The following LRRC69 variants were observed in gnomAD, a reference collection of about 807,000 sequenced individuals.
LRRC69 encodes leucine-rich repeat-containing protein 69.
LRRC69 carries 42 observed loss-of-function variants against 37.8 expected under a neutral mutation model. That is an observed-to-expected ratio of 1.11 (90% CI 0.87 to 1.44). The LOEUF is 1.44. LRRC69 is among the 40% of genes most tolerant of loss of function. LRRC69 has a pLI of 0.00. For missense variants in LRRC69, 357 were observed against 401.9 expected (o/e 0.89, Z 0.96); for synonymous variants, 141 against 143.1 (o/e 0.99, Z 0.11).
chr8:91,123,104 G>C (rs1011080261), intron 1 of LRRC69, among the ~76,000 whole-genome samples: 3 of 152,084 alleles, frequency 2.0e-5, no homozygotes, highest in South Asian at 4.1e-4. Flanking sequence ...GGCTGACTCT[G>C]AAAGTTAGGA....
chr8:91,183,985 TA>T (rs967870300), intron 5 of LRRC69, among the ~76,000 whole-genome samples: 3 of 151,464 alleles, frequency 2.0e-5, no homozygotes, highest in African/African-American at 4.9e-5. Flanking sequence ...AAGGGTTTCT[TA>T]AAAAAAAATT....
chr8:91,206,094 A>G (rs1809799666), intron 7 of LRRC69, among the ~76,000 whole-genome samples: 1 of 152,248 alleles, frequency 6.6e-6, no homozygotes. Context: ...ACCTTTATAG[A>G]GAGAGAGCTT....
Position 91,135,660 on chromosome 8 carries a change from T to C in LRRC69, c.580-8T>C, listed in dbSNP as rs1159294692. 1.4e-6 allele frequency: 2 copies of C among 1,439,960 alleles called. No individual in the cohort carries two copies. The highest frequency in any genetic ancestry group is 3.0e-5 in the African/African-American group (2 of 67,078). 89.2% of individuals were successfully genotyped at this position (1,439,960 alleles called of 1,614,324 possible). ...TAAAAAATCTCTCTCTTCTGTTTTC[T>C]GACACAGGAACTTTGTGATCTTAAA... On this transcript the variant is annotated splice_polypyrimidine_tract_variant and splice_region_variant and intron_variant, in intron 4 of 7. Transcript: ENST00000448384.
At chr8:91,204,730 C>A (rs558698305) in intron 7 of LRRC69, among the ~76,000 whole-genome samples, 144 of 152,312 alleles carry the variant, frequency 9.5e-4, no homozygotes, top group African/African-American at 3.0e-3. Flanking sequence ...TTAGTTGTTT[C>A]ATAAGCTTAC....
chr8:91,127,689 G>A (rs1361475854), intron 3 of LRRC69, among the ~76,000 whole-genome samples: 1 of 149,262 alleles, frequency 6.7e-6, no homozygotes, highest in East Asian at 2.0e-4. Flanking sequence ...GGAGCCAGCT[G>A]AGAGCCTTGT....
intron 5 of LRRC69, among the ~76,000 whole-genome samples, chr8:91,166,560 CTT>C (rs1809034626): frequency 7.3e-6 from 1 of 136,740 alleles, no homozygotes; most frequent in Admixed American, 7.5e-5. Flanking sequence ...TTTTGAAAAA[CTT>C]TATGGCAGGA....
At chr8:91,151,042 G>A (rs1371306108) in intron 5 of LRRC69, among the ~76,000 whole-genome samples, 1 of 151,728 alleles carries the variant, frequency 6.6e-6, no homozygotes, top group Non-Finnish European at 1.5e-5. Context: ...ACCAGCTCCT[G>A]GATTCATTGA....
intron 5 of LRRC69, among the ~76,000 whole-genome samples, chr8:91,146,772 G>A (rs1156311063): frequency 6.6e-6 from 1 of 151,764 alleles, no homozygotes; most frequent in Non-Finnish European, 1.5e-5. Flanking sequence ...TAATAATAAA[G>A]TTGTTTTAAG....
Position 91,192,987 on chromosome 8 carries a change from C to T in LRRC69, c.753+3364C>T, listed in dbSNP as rs528849248. On this transcript the variant is annotated intron_variant, in intron 6 of 7. Transcript: ENST00000448384. ...GGGTTTTTTACGGTTTTAGATCTAACGTTTAAGTCTTTAATCCATCTTGAA... is the reference window on the plus strand; with the variant it reads ...GGGTTTTTTACGGTTTTAGATCTAATGTTTAAGTCTTTAATCCATCTTGAA... Among the ~76,000 whole-genome samples the T allele has an allele frequency of 1.2e-4, 19 of 152,150 alleles. 3 individuals carry two copies. Among genetic ancestry groups the T allele is most frequent in the African/African-American group, 2.9e-4 (12 of 41,486 alleles).
At chr8:91,107,429 G>A (rs943942569) in intron 1 of LRRC69, among the ~76,000 whole-genome samples, 4 of 151,806 alleles carry the variant, frequency 2.6e-5, no homozygotes, top group South Asian at 2.1e-4. Flanking sequence ...GAGCCACCAC[G>A]CCCGGCCCAT....
chr8:91,147,661 A>T (rs1182302284), intron 5 of LRRC69, among the ~76,000 whole-genome samples: 1 of 151,808 alleles, frequency 6.6e-6, no homozygotes, highest in African/African-American at 2.4e-5. Context: ...GACACATTTT[A>T]AAAAATCTTA....
chr8:91,159,118 A>G (rs1472580403), intron 5 of LRRC69, among the ~76,000 whole-genome samples: 1 of 151,264 alleles, frequency 6.6e-6, no homozygotes, highest in Non-Finnish European at 1.5e-5. Context: ...AATGTTTTCA[A>G]TCATTGCCTT....
chr8:91,144,402 C>T (rs1167494144), intron 5 of LRRC69, among the ~76,000 whole-genome samples: 1 of 151,962 alleles, frequency 6.6e-6, no homozygotes, highest in Non-Finnish European at 1.5e-5. Context: ...CCTTGGGCAA[C>T]AAAACAGAAC....
At chr8:91,156,179 T>C (rs1808831615) in intron 5 of LRRC69, among the ~76,000 whole-genome samples, 1 of 151,016 alleles carries the variant, frequency 6.6e-6, no homozygotes. Context: ...GTGTATGAGT[T>C]TTCTTTGTGT....
At chr8:91,185,785 G>A (rs558314171) in intron 5 of LRRC69, among the ~76,000 whole-genome samples, 2 of 151,322 alleles carry the variant, frequency 1.3e-5, no homozygotes, top group African/African-American at 2.4e-5. Flanking sequence ...TTGACCTTAA[G>A]CCTATTTAGA....
At chr8:91,159,659 T>C (rs1808901848) in intron 5 of LRRC69, among the ~76,000 whole-genome samples, 1 of 151,182 alleles carries the variant, frequency 6.6e-6, no homozygotes, top group Non-Finnish European at 1.5e-5. Flanking sequence ...GAAAGTTAGC[T>C]TTGTAAACTA....
At chr8:91,181,324 G>T (rs1237838653) in intron 5 of LRRC69, among the ~76,000 whole-genome samples, 3 of 152,146 alleles carry the variant, frequency 2.0e-5, no homozygotes, top group Non-Finnish European at 4.4e-5. Context: ...GCTATGAAAA[G>T]TGAAATATAA....
At chr8:91,176,221 G>A (rs1430749573) in intron 5 of LRRC69, among the ~76,000 whole-genome samples, 2 of 148,512 alleles carry the variant, frequency 1.3e-5, no homozygotes, top group Non-Finnish European at 3.0e-5. Context: ...TACAACCTCC[G>A]CCTCCTGGGT....
chr8:91,147,582 T>G (rs1808644884), intron 5 of LRRC69, among the ~76,000 whole-genome samples: 2 of 151,724 alleles, frequency 1.3e-5, no homozygotes, highest in South Asian at 4.1e-4. Context: ...CTGTGTATAT[T>G]TAATTTGTTC....
Sources: allele counts gnomAD v4.1 joint callset (sites outside exome capture counted in the v4.1 genomes callset), GRCh38; gene constraint gnomAD v4.1.1; transcripts MANE v1.5; gene names NCBI Gene and HGNC (gene_info 2026-07-23, HGNC 2026-07-21).